TFE3: variants seen among roughly 807,000 people sequenced by gnomAD.
TFE3 encodes transcription factor binding to IGHM enhancer 3, also known as transcription factor E3.
In TFE3, 5 loss-of-function variants were observed where a neutral mutation model predicts 35.0. The observed-to-expected ratio is 0.14, with a 90% CI of 0.07 to 0.30. TFE3 has a LOEUF of 0.30. Among genes scored for constraint, TFE3 ranks in the 10% least tolerant of loss-of-function variants. TFE3 has a pLI of 1.00. For missense variants in TFE3, 374 were observed against 496.6 expected, an observed-to-expected ratio of 0.75 and a Z score of 2.35; for synonymous variants, 211 against 215.6, an observed-to-expected ratio of 0.98 and a Z score of 0.18.
At chrX:49,040,304 A>C in intron 2 of TFE3, 151 bp downstream of exon 2, 1 of 433,746 alleles carries the variant, frequency 2.3e-6, no homozygotes, top group Non-Finnish European at 4.0e-6. Context: ...TTCCTGTGTG[A>C]CATGCTCTTT....
chrX:49,033,465 G>A lies in TFE3; in HGVS notation c.1136C>T (p.Pro379Leu), dbSNP rs1256329995. ...CCTGAGGGTCCCAGCCCAGACTCAC[G>A]GGTCACTGGACTTAGGGATGAGAGT... Reference protein sequence around the residue: ...LGTLIPKSSDPEMRWNKGTIL... With the variant: ...LGTLIPKSSDLEMRWNKGTIL... Residue 379 changes from proline to leucine, a missense_variant and splice_region_variant, in exon 8 of 10, where the codon CCG becomes CTG. Physicochemically the swap from Pro to Leu is moderately conservative, Grantham distance 98 (BLOSUM62 -3). This residue lies in a region of TFE3 where 167 missense variants were observed against 297.2 expected (regional missense o/e 0.56). Coordinates refer to ENST00000315869, the MANE Select transcript of TFE3 (RefSeq NM_006521.6). The A allele has an allele frequency of 3.3e-6, 4 of 1,210,231 alleles. No individual in the cohort carries two copies. Among genetic ancestry groups the A allele is most frequent in the African/African-American group, 1.7e-5 (1 of 57,835 alleles).
Position 49,043,104 on chromosome X carries a change from C to A in TFE3, c.116+7G>T. On this transcript the variant is annotated splice_region_variant and intron_variant, in intron 1 of 9. Coordinates refer to ENST00000315869, the MANE Select transcript of TFE3 (RefSeq NM_006521.6). ...GTCGGCACTCCCAGCCCCAGGCGGC[C>A]CCGCACCTGAGCAGCTGAGCCGAGT... The A allele has an allele frequency of 1.7e-6, 2 of 1,165,291 alleles. No individual in the cohort carries two copies. The highest frequency in any genetic ancestry group is 3.1e-5 in the East Asian group (1 of 31,878).
rs2064738613 is a variant in TFE3, at chrX:49,037,769, C to A, written c.885+241G>T. 3 of 369,841 alleles carry A rather than the reference C, an allele frequency of 8.1e-6. No homozygotes were observed. The East Asian group carries it at 1.4e-4, about 17-fold the overall frequency. 30.5% of individuals were successfully genotyped at this position (369,841 alleles called of 1,213,427 possible). A position where few individuals can be genotyped will look rare whatever the true frequency, so the allele number is the denominator to read the frequency against. The stretch of plus-strand genomic sequence containing the variant: ...AGCAAAGCCCAAGCACTTTGATATG[C>A]CCTACTGTCTCAGTGAACTCCCCAC... On this transcript the variant is annotated intron_variant, in intron 5 of 9. Coordinates refer to ENST00000315869, the MANE Select transcript of TFE3 (RefSeq NM_006521.6).
chrX:49,033,590 T>G, intron 7 of TFE3, 50 bp from the exon 8 acceptor site: 1 of 1,193,452 alleles, frequency 8.4e-7, no homozygotes, highest in Non-Finnish European at 1.1e-6. Flanking sequence ...GAGTTGTCAA[T>G]TAGCCAAAAA....
chrX:49,041,352 T>G (rs181030468), intron 1 of TFE3, among the ~76,000 whole-genome samples: 2 of 111,791 alleles, frequency 1.8e-5, no homozygotes, highest in Non-Finnish European at 3.8e-5. Context: ...ACAAACTGAA[T>G]GCATCACAAA....
At chrX:49,033,811 C>G in intron 6 of TFE3, 29 bp from the exon 7 acceptor site, 2 of 1,205,186 alleles carry the variant, frequency 1.7e-6, no homozygotes, top group Non-Finnish European at 2.2e-6. Context: ...ATCAGGGCCT[C>G]TGAGCACAGG....
chrX:49,038,351 G>T lies in TFE3; in HGVS notation c.626C>A (p.Pro209His). 2 of 1,206,960 alleles carry T rather than the reference G, an allele frequency of 1.7e-6. No homozygotes were observed. Among genetic ancestry groups the T allele is most frequent in the Non-Finnish European group, 1.1e-6 (1 of 894,248 alleles). The change falls in exon 4 of 10, where the codon CCC becomes CAC. Residue 209 changes from proline (P) to histidine (H), a missense_variant. This residue lies in a region of TFE3 where 167 missense variants were observed against 297.2 expected (regional missense o/e 0.56). Coordinates refer to ENST00000315869, the MANE Select transcript of TFE3 (RefSeq NM_006521.6). ...GGTGAGGGCCTGGGAAGCCAGCTTG[G>T]GCCCGAGTGTGGTGGACAGGTACTG... Reference protein sequence around the residue: ...VKQYLSTTLGPKLASQALTPP... With the variant: ...VKQYLSTTLGHKLASQALTPP...
At chrX:49,036,804 AAAAT>A (rs1286648193) in intron 5 of TFE3, among the ~76,000 whole-genome samples, 8 of 111,530 alleles carry the variant, frequency 7.2e-5, no homozygotes, top group African/African-American at 2.6e-4. Flanking sequence ...TTTGTCTCAA[AAAAT>A]AAATAAATAA....
At chrX:49,038,600 C>T (rs1283283712) in intron 3 of TFE3, among the ~76,000 whole-genome samples, 158 bp from the exon 4 acceptor site, 4 of 110,280 alleles carry the variant, frequency 3.6e-5, no homozygotes, top group Admixed American at 9.7e-5. Context: ...AAAATATTAG[C>T]GAGTCTCCCC....
At chrX:49,030,682 G>A in intron 9 of TFE3, 81 bp from the exon 10 acceptor site, 1 of 877,776 alleles carries the variant, frequency 1.1e-6, no homozygotes. Context: ...GTTGAAAAGG[G>A]TAGGTTCCCT....
At chrX:49,038,142 G>T (rs2064740453) in intron 4 of TFE3, 28 bp from the exon 5 acceptor site, 1 of 1,211,615 alleles carries the variant, frequency 8.3e-7, no homozygotes, top group Non-Finnish European at 1.1e-6. Context: ...TATTATACAG[G>T]TTTAGAAGAA....
intron 6 of TFE3, 44 bp from the exon 7 acceptor site, chrX:49,033,826 C>T (rs782716693): frequency 3.4e-6 from 4 of 1,179,305 alleles, no homozygotes; most frequent in Non-Finnish European, 4.6e-6. Context: ...CACAGGAAGG[C>T]AAGAAACACA....
Position 49,043,218 on chromosome X carries a change from A to T in TFE3, c.9T>A (p.His3Gln). 8.6e-7 allele frequency: 1 copy of T among 1,165,892 alleles called. No homozygotes were observed. The highest frequency in any genetic ancestry group is 1.1e-6 in the Non-Finnish European group (1 of 874,686). Residue 3 changes from histidine to glutamine, a missense_variant, in exon 1 of 10, where the codon CAT becomes CAA. Physicochemically the swap from His to Gln is conservative, Grantham distance 24. This residue lies in a region of TFE3 where 90 missense variants were observed against 87.5 expected (regional missense o/e 1.03). Coordinates refer to ENST00000315869, the MANE Select transcript of TFE3 (RefSeq NM_006521.6). Reference sequence around the variant, plus strand: ...CGCCATCCCGAGCTGGTTCGGCCGCATGAGACATGACGCCCGGCCCCGGGC... The same window carrying T: ...CGCCATCCCGAGCTGGTTCGGCCGCTTGAGACATGACGCCCGGCCCCGGGC... MS[H>Q]AAEPARDGVE...
At chrX:49,039,060 C>T (rs1216589437) in intron 3 of TFE3, 47 bp downstream of exon 3, 1 of 1,107,026 alleles carries the variant, frequency 9.0e-7, no homozygotes, top group Non-Finnish European at 1.2e-6. Context: ...AGGATCACTC[C>T]TCAGTCACCA....
rs1602497650 is a variant in TFE3 at position 49,037,701 on chromosome X, A to G, written c.885+309T>C. 5 of 128,675 alleles carry G rather than the reference A, an allele frequency of 3.9e-5. No individual in the cohort carries two copies. The South Asian group carries it at 1.1e-3, about 27-fold the overall frequency. The allele number at this position is 128,675 out of a possible 1,213,427, so 10.6% of individuals were successfully genotyped here. A position where few individuals can be genotyped will look rare whatever the true frequency, so the allele number is the denominator to read the frequency against. ...GTGACAGAGCGAGACTCCGTCTCGA[A>G]AAAAAAAAAAAAAAAAGATTATCAT... On this transcript the variant is annotated intron_variant, in intron 5 of 9. Coordinates refer to ENST00000315869, the MANE Select transcript of TFE3 (RefSeq NM_006521.6).
intron 5 of TFE3, among the ~76,000 whole-genome samples, chrX:49,034,723 G>C (rs1044177016): frequency 8.9e-6 from 1 of 111,977 alleles, no homozygotes; most frequent in African/African-American, 3.2e-5. Flanking sequence ...AAATTGTCAT[G>C]ACAACATTCT....
In TFE3 at chrX:49,038,621, ACT is replaced by A. The variant is rs782621619; in HGVS notation, c.535-181_535-180del. Among the ~76,000 whole-genome samples, 241 of 109,744 alleles carry A rather than the reference ACT, an allele frequency of 2.2e-3. 1 individual carries two copies. Among genetic ancestry groups the A allele is most frequent in the African/African-American group, 7.8e-3 (235 of 30,105 alleles). Reference sequence around the variant, plus strand: ...TTAGCGAGTCTCCCCCAGGACCCAAACTCTCTTTCTCAGAAATCCTTCACAGC... The same window carrying A: ...TTAGCGAGTCTCCCCCAGGACCCAAACTCTTTCTCAGAAATCCTTCACAGC... On this transcript the variant is annotated intron_variant, in intron 3 of 9. Coordinates refer to ENST00000315869, the MANE Select transcript of TFE3 (RefSeq NM_006521.6).
rs376250395 is a variant in TFE3 at position 49,030,523 on chromosome X, C to A, written c.1363G>T (p.Ala455Ser). The A allele has an allele frequency of 1.7e-6, 2 of 1,209,648 alleles. No individual in the cohort carries two copies. The highest frequency in any genetic ancestry group is 1.1e-6 in the Non-Finnish European group (1 of 895,090). Residue 455 changes from alanine to serine, a missense_variant, in exon 10 of 10, where the codon GCT becomes TCT. This residue lies in a region of TFE3 where 117 missense variants were observed against 111.9 expected (regional missense o/e 1.05). Transcript: ENST00000315869. ...TGCTCTGGCTTGAGGCTGTCAGAAG[C>A]CGAAGTCGTGGCCAAGGAAAGCAGC... ...PGLLSLATTS[A>S]SDSLKPEQLD... is the part of the protein sequence containing the mutation.
rs1569520912 is a variant in TFE3 at position 49,029,354 on chromosome X, T to G, written c.*804A>C. 1.0e-5 allele frequency: 2 copies of G among 194,336 alleles called. No homozygotes were observed. The highest frequency in any genetic ancestry group is 1.4e-4 in the East Asian group (2 of 14,364). 16.0% of individuals were successfully genotyped at this position (194,336 alleles called of 1,213,427 possible). On this transcript the variant is annotated 3_prime_UTR_variant, in exon 10 of 10. Transcript: ENST00000315869. ...CAGAGCCCTCCTAGGTTAGGTCAGG[T>G]TGGTCCCAGGTTAAGGCAGGGGAGC...
Sources: gnomAD v4.1 joint callset for allele counts (sites outside exome capture counted in the v4.1 genomes callset) on GRCh38, gnomAD v4.1.1 for gene constraint, gnomAD v4.1.1 regional missense constraint, MANE v1.5 for transcripts, NCBI Gene and HGNC (gene_info 2026-07-23, HGNC 2026-07-21) for gene names.